Variants in GGNBP2 observed in about 807,000 individuals in gnomAD.
GGNBP2 encodes gametogenetin-binding protein 2.
GGNBP2 carries 10 observed loss-of-function variants against 85.9 expected under a neutral mutation model. The observed-to-expected ratio is 0.12, with a 90% CI of 0.07 to 0.20. The LOEUF (loss-of-function observed/expected upper bound fraction) is 0.20, where lower values mean the gene tolerates loss of function less well. Ranked by LOEUF, GGNBP2 falls within the 10% of genes least tolerant of loss-of-function variation. The pLI is 1.00. For synonymous variants in GGNBP2, 287 were observed against 285.7 expected (o/e 1.00, Z -0.05); for missense variants, 595 against 857.8 (o/e 0.69, Z 3.83).
chr17:36,583,672 A>G (rs573337642), intron 9 of GGNBP2, among the ~76,000 whole-genome samples: 1 of 151,920 alleles, frequency 6.6e-6, no homozygotes, highest in East Asian at 2.0e-4. Context: ...CTTGTTGCCC[A>G]GGCTGGTCTC....
intron 2 of GGNBP2, chr17:36,546,887 G>A (rs1472056238): frequency 6.6e-6 from 1 of 151,974 alleles, no homozygotes; most frequent in Non-Finnish European, 1.5e-5. Flanking sequence ...TATGTAAAAT[G>A]CAAGTCATTG....
intron 2 of GGNBP2, chr17:36,546,273 C>T (rs547316873): frequency 4.5e-5 from 12 of 268,426 alleles, no homozygotes; most frequent in African/African-American, 2.2e-4. Flanking sequence ...AGCTTAATTA[C>T]TGGGGGCAGA....
chr17:36,557,743 A>G (rs1162900899), intron 4 of GGNBP2, among the ~76,000 whole-genome samples: 1 of 152,172 alleles, frequency 6.6e-6, no homozygotes, highest in Non-Finnish European at 1.5e-5. Flanking sequence ...TTTTATTGGC[A>G]TGTTTGAGGA....
chr17:36,575,909 A>G (rs993580165), intron 6 of GGNBP2, among the ~76,000 whole-genome samples: 1 of 150,884 alleles, frequency 6.6e-6, no homozygotes, highest in Non-Finnish European at 1.5e-5. Flanking sequence ...TGCCTCCCAA[A>G]GGGCTGGGAT....
chr17:36,586,958 A>G, intron 12 of GGNBP2, 39 bp from the exon 13 acceptor site: 3 of 1,564,794 alleles, frequency 1.9e-6, no homozygotes, highest in Non-Finnish European at 2.6e-6. Context: ...CTATTATATC[A>G]TGCCTTTTTA....
rs1437646030 is a variant in GGNBP2, at chr17:36,581,448, A to G, written c.1125A>G (p.Gln375=). Residue 375 remains glutamine (Q), a synonymous_variant, in exon 9 of 14, where the codon CAA becomes CAG. Transcript: ENST00000613102. ...AACTCAAGCAAGAAAAGAAACGCCAAAAACGGAAGAATAGACGAAAAAATA... is the reference window on the plus strand; with the variant it reads ...AACTCAAGCAAGAAAAGAAACGCCAGAAACGGAAGAATAGACGAAAAAATA... ...VRELKQEKKR[Q]KRKNRRKNKC... 6.2e-7 allele frequency: 1 copy of G among 1,614,068 alleles called. No homozygotes were observed. Among genetic ancestry groups the G allele is most frequent in the Admixed American group, 1.7e-5 (1 of 60,026 alleles).
intron 2 of GGNBP2, chr17:36,546,134 C>T: frequency 2.4e-6 from 1 of 424,886 alleles, no homozygotes; most frequent in East Asian, 3.4e-5. Flanking sequence ...GTTGAAGGAT[C>T]TTGGGCGTTT....
rs371877249 is a variant in GGNBP2, at chr17:36,560,843, T to C, written c.499T>C (p.Leu167=). 3 of 1,601,784 alleles carry C rather than the reference T, an allele frequency of 1.9e-6. No homozygotes were observed. The highest frequency in any genetic ancestry group is 2.6e-6 in the Non-Finnish European group (3 of 1,173,100). Residue 167 remains leucine, a synonymous_variant, in exon 5 of 14, where the codon TTA becomes CTA. Transcript: ENST00000613102. ...GAATAAGAGATGTCAGTTGCACTCC[T>C]TAGATACGCACAAGCCAAAACCTTT... ...KKNKRCQLHS[L]DTHKPKPLGG...
intron 6 of GGNBP2, among the ~76,000 whole-genome samples, chr17:36,569,231 G>C (rs1355271890): frequency 3.9e-5 from 6 of 152,056 alleles, no homozygotes; most frequent in Non-Finnish European, 7.4e-5. Context: ...GGCCAACGTG[G>C]CGAAACCCCG....
At position 36,589,412 on chromosome 17, in the gene GGNBP2, ATAAAT is replaced by A; in HGVS notation, c.*2_*6del. The A allele has an allele frequency of 6.2e-7, 1 of 1,603,426 alleles. No individual in the cohort carries two copies. Among genetic ancestry groups the A allele is most frequent in the Non-Finnish European group, 8.5e-7 (1 of 1,171,142 alleles). On this transcript the variant is annotated 3_prime_UTR_variant, in exon 14 of 14. Transcript: ENST00000613102. ...GTTGACAACGGCTGGAGCAAATTAA[ATAAAT>A]AAAATAGCTCTGTCTTTCAATGAAA... is the stretch of plus-strand genomic sequence containing the variant.
At chr17:36,572,215 AG>A (rs1555606927) in intron 6 of GGNBP2, among the ~76,000 whole-genome samples, 1 of 152,188 alleles carries the variant, frequency 6.6e-6, no homozygotes, top group Non-Finnish European at 1.5e-5. Flanking sequence ...GCAGTAAAAT[AG>A]GGGGAAAATA....
In GGNBP2 at chr17:36,581,548, C is replaced by G. The variant is rs762684041; in HGVS notation, c.1215+10C>G. On this transcript the variant is annotated intron_variant, in intron 9 of 13. Coordinates refer to ENST00000613102, the MANE Select transcript of GGNBP2 (RefSeq NM_024835.5). ...AGTAAGCCAAGAGAAGGTAATATTT[C>G]TTAATATCAACTCTTAAGTGTGTAT... The G allele has an allele frequency of 1.7e-5, 27 of 1,584,570 alleles. No homozygotes were observed. The highest frequency in any genetic ancestry group is 2.2e-5 in the Non-Finnish European group (25 of 1,157,316).
At chr17:36,561,131 T>C (rs117010890) in intron 5 of GGNBP2, among the ~76,000 whole-genome samples, 7,013 of 152,230 alleles carry the variant, frequency 0.046, 222 homozygotes, top group Non-Finnish European at 0.064. Context: ...TCTTTTTTTT[T>C]TTCTTTTTTT....
intron 6 of GGNBP2, among the ~76,000 whole-genome samples, chr17:36,576,144 G>A (rs751065482): frequency 1.4e-4 from 19 of 134,398 alleles, no homozygotes; most frequent in Admixed American, 3.9e-4. Context: ...TTCAAGACCA[G>A]CCTGGCCAAC....
chr17:36,585,806 T>C, intron 10 of GGNBP2, 34 bp from the exon 11 acceptor site: 1 of 1,589,596 alleles, frequency 6.3e-7, no homozygotes, highest in South Asian at 1.1e-5. Flanking sequence ...CTTATTGGTA[T>C]GTTAATAGTA....
chr17:36,545,990 A>T, intron 2 of GGNBP2, 173 bp downstream of exon 2: 1 of 546,356 alleles, frequency 1.8e-6, no homozygotes, highest in Non-Finnish European at 3.3e-6. Context: ...TGGCTCGGTA[A>T]CCTCTGTCGG....
chr17:36,588,862 A>G (rs2074730137), intron 13 of GGNBP2, among the ~76,000 whole-genome samples: 1 of 152,238 alleles, frequency 6.6e-6, no homozygotes, highest in Non-Finnish European at 1.5e-5. Context: ...GTTTCAAGAT[A>G]GGACTAACTG....
intron 13 of GGNBP2, among the ~76,000 whole-genome samples, chr17:36,588,758 T>G (rs952697502): frequency 7.2e-5 from 11 of 152,222 alleles, no homozygotes; most frequent in African/African-American, 2.4e-4. Flanking sequence ...AGCCACCACC[T>G]GTATAAGTTT....
chr17:36,546,169 C>G, intron 2 of GGNBP2: 1 of 398,792 alleles, frequency 2.5e-6, no homozygotes, highest in Non-Finnish European at 4.4e-6. Flanking sequence ...ACAGAAACCA[C>G]CTACCCTCGG....
Sources: gnomAD v4.1 joint callset for allele counts (sites outside exome capture counted in the v4.1 genomes callset) on GRCh38, gnomAD v4.1.1 for gene constraint, MANE v1.5 for transcripts, NCBI Gene and HGNC (gene_info 2026-07-23, HGNC 2026-07-21) for gene names.